Variants in SRM observed in about 807,000 individuals in gnomAD.
The protein encoded by SRM is putrescine aminopropyltransferase.
Under a neutral mutation model 39.3 loss-of-function variants are expected in SRM, and 14 were observed. The observed-to-expected ratio is 0.36, with a 90% confidence interval of 0.24 to 0.56. SRM has a LOEUF of 0.56. Among genes scored for constraint, SRM ranks in the 20% least tolerant of loss-of-function variants. The pLI is 0.86. For missense variants in SRM, 244 were observed against 409.2 expected, an observed-to-expected ratio of 0.60 and a Z score of 3.48; for synonymous variants, 195 against 173.1, an observed-to-expected ratio of 1.13 and a Z score of -0.99.
chr1:11,059,976 C>T lies in SRM; in HGVS notation c.-33G>A, dbSNP rs1005763650. 4.1e-6 allele frequency: 4 copies of T among 971,916 alleles called. No homozygotes were observed. Among genetic ancestry groups the T allele is most frequent in the Non-Finnish European group, 3.7e-6 (3 of 819,614 alleles). 60.2% of individuals were successfully genotyped at this position (971,916 alleles called of 1,614,324 possible). A position where few individuals can be genotyped will look rare whatever the true frequency, so the allele number is the denominator to read the frequency against. On this transcript the variant is annotated 5_prime_UTR_variant, in exon 1 of 8. Transcript: ENST00000376957. ...GGGCGGGCGGCGCGGGGCGCGGGCC[C>T]GGGACTGCAGGCCGCGCGGCGCCGC...
chr1:11,055,197 A>T lies in SRM; in HGVS notation c.766-113T>A. On this transcript the variant is annotated intron_variant, in intron 6 of 7. Transcript: ENST00000376957. Reference sequence around the variant, plus strand: ...CAGTGGCGTCATCTCAGCTCACTGCAACCTCTGTCTCCCAGGTTCAAGTGA... The same window carrying T: ...CAGTGGCGTCATCTCAGCTCACTGCTACCTCTGTCTCCCAGGTTCAAGTGA... 2.1e-6 allele frequency: 3 copies of T among 1,403,162 alleles called. No homozygotes were observed. In the South Asian group the frequency reaches 4.4e-5, roughly 21 times the overall value. The allele number at this position is 1,403,162 out of a possible 1,614,324, so 86.9% of individuals were successfully genotyped here.
At chr1:11,055,728 CTATT>C in intron 6 of SRM, 49 bp downstream of exon 6, 2 of 1,530,686 alleles carry the variant, frequency 1.3e-6, no homozygotes, top group Middle Eastern at 2.3e-4. Context: ...GCAGGGATCT[CTATT>C]TATGCCCACC....
chr1:11,059,231 C>T lies in SRM; in HGVS notation c.282G>A (p.Pro94=), dbSNP rs888874570. The T allele has an allele frequency of 1.9e-6, 3 of 1,613,332 alleles. No homozygotes were observed. Among genetic ancestry groups the T allele is most frequent in the Non-Finnish European group, 2.5e-6 (3 of 1,179,980 alleles). Residue 94 remains proline, a synonymous_variant, in exon 2 of 8, where the codon CCG becomes CCA. Coordinates refer to ENST00000376957, the MANE Select transcript of SRM (RefSeq NM_003132.3). ...CCAGGGGACACTGGGGTACCTTTCG[C>T]GGGTTGGGGTGGCTGCAGAGAGGCA... ...ANLPLCSHPN[P]RKVLIIGGGD...
rs1043724420 is a variant in SRM at position 11,054,764 on chromosome 1, C to T, written c.*101G>A. On this transcript the variant is annotated 3_prime_UTR_variant, in exon 8 of 8. Transcript: ENST00000376957. The surrounding 1 kb of genome is among the most constrained non-coding windows in gnomAD (Gnocchi z 4.8). ...GGGCTTGTAACACTTGGTTGGTGGG[C>T]GAGAGCCAGCAGGAGGTCCGGCCCG... 1.6e-5 allele frequency: 23 copies of T among 1,470,328 alleles called. No homozygotes were observed. Among genetic ancestry groups the T allele is most frequent in the African/African-American group, 9.8e-5 (7 of 71,186 alleles). 91.1% of individuals were successfully genotyped at this position (1,470,328 alleles called of 1,614,324 possible).
Position 11,054,878 on chromosome 1 carries a change from T to A in SRM, c.896A>T (p.Asn299Ile). 6.2e-7 allele frequency: 1 copy of A among 1,610,014 alleles called. No individual in the cohort carries two copies. The highest frequency in any genetic ancestry group is 1.1e-5 in the South Asian group (1 of 90,792). ...TGGCGCCTGGGCTCAGCTCACATCA[T>A]TCAGGGCCTGGAGGGACATGAGGCC... ...VLPEFARKAL[N>I]DVS The change falls in exon 8 of 8, where the codon AAT becomes ATT. Residue 299 changes from asparagine to isoleucine, a missense_variant. Physicochemically the swap from Asn to Ile is moderately radical, Grantham distance 149. Transcript: ENST00000376957. The surrounding 1 kb of genome is among the most constrained non-coding windows in gnomAD (Gnocchi z 4.8).
At position 11,056,723 on chromosome 1, in the gene SRM, C is replaced by G. The variant is rs773801443; in HGVS notation, c.416G>C (p.Gly139Ala). Residue 139 changes from glycine (G) to alanine (A), a missense_variant, in exon 4 of 8, where the codon GGC becomes GCC. Coordinates refer to ENST00000376957, the MANE Select transcript of SRM (RefSeq NM_003132.3). The part of the protein sequence containing the change: ...VIQVSKKFLP[G>A]MAIGYSSSKL... ...CGAGCTAGAGTAGCCAATGGCCATGCCTGGCAGGAACTTCTTGGAGACTTG... is the reference window on the plus strand; with the variant it reads ...CGAGCTAGAGTAGCCAATGGCCATGGCTGGCAGGAACTTCTTGGAGACTTG... 2 of 1,614,178 alleles carry G rather than the reference C, an allele frequency of 1.2e-6. No individual in the cohort carries two copies. Among genetic ancestry groups the G allele is most frequent in the South Asian group, 2.2e-5 (2 of 91,084 alleles).
At chr1:11,057,164 G>A (rs563549954) in intron 3 of SRM, among the ~76,000 whole-genome samples, 14 of 152,078 alleles carry the variant, frequency 9.2e-5, no homozygotes, top group African/African-American at 3.1e-4. Flanking sequence ...GCCCCTTTTG[G>A]GAACCTCAGT....
intron 3 of SRM, among the ~76,000 whole-genome samples, chr1:11,057,478 T>C (rs1270600027): frequency 1.4e-5 from 2 of 140,120 alleles, no homozygotes; most frequent in Non-Finnish European, 3.1e-5. Context: ...TTTTTTTTTT[T>C]ATTTTTAGTA....
intron 6 of SRM, among the ~76,000 whole-genome samples, chr1:11,055,478 A>T (rs554054102): frequency 1.4e-5 from 2 of 146,700 alleles, no homozygotes; most frequent in African/African-American, 2.5e-5. Flanking sequence ...GTAGTGGCGC[A>T]ATCTCGGCTC....
chr1:11,059,669 G>A, intron 1 of SRM, 108 bp downstream of exon 1: 1 of 1,317,280 alleles, frequency 7.6e-7, no homozygotes, highest in Non-Finnish European at 1.0e-6. Context: ...GGCCAGGGCA[G>A]GACGAGGTCC....
rs1293604984 is a variant in SRM, at chr1:11,059,336, A to G, written c.177T>C (p.Tyr59=). 7 of 1,613,636 alleles carry G rather than the reference A, an allele frequency of 4.3e-6. No homozygotes were observed. The East Asian group carries it at 1.6e-4, about 36-fold the overall frequency. Residue 59 remains tyrosine (Y), a synonymous_variant, in exon 2 of 8, where the codon TAT becomes TAC. Coordinates refer to ENST00000376957, the MANE Select transcript of SRM (RefSeq NM_003132.3). ...QDILVFRSKT[Y]GNVLVLDGVI... ...CACCGTCCAACACCAGCACGTTGCC[A>G]TAGGTCTTACTGCGGGCGGAGTGAC... is the stretch of plus-strand genomic sequence containing the variant.
rs34630462 is a variant in SRM at position 11,058,548 on chromosome 1, C to T, written c.381+252G>A. ...CACACTCCAGCCTGGGCAACAAGAG[C>T]GAAACTCTGTCTCAAAAAAAAAAAA... On this transcript the variant is annotated intron_variant, in intron 3 of 7. Transcript: ENST00000376957. 3.7e-5 allele frequency among the ~76,000 whole-genome samples: 5 copies of T among 136,974 alleles called. No individual in the cohort carries two copies. In the South Asian group the frequency reaches 9.2e-4, roughly 25 times the overall value. The allele number at this position is 136,974 out of a possible 152,430, so 89.9% of individuals were successfully genotyped here.
chr1:11,056,854 C>G, intron 3 of SRM, 97 bp from the exon 4 acceptor site: 1 of 1,307,376 alleles, frequency 7.6e-7, no homozygotes, highest in Non-Finnish European at 1.1e-6. Flanking sequence ...ACAGGCAAGC[C>G]GCCTTGGCCA....
At position 11,058,584 on chromosome 1, in the gene SRM, T is replaced by A. The variant is rs796447381; in HGVS notation, c.381+216A>T. 810 of 274,762 alleles carry A rather than the reference T, an allele frequency of 2.9e-3. 4 individuals are homozygous for A. The highest frequency in any genetic ancestry group is 0.011 in the African/African-American group (435 of 39,496). The allele number at this position is 274,762 out of a possible 1,614,324, so 17.0% of individuals were successfully genotyped here. A position where few individuals can be genotyped will look rare whatever the true frequency, so the allele number is the denominator to read the frequency against. On this transcript the variant is annotated intron_variant, in intron 3 of 7. Transcript: ENST00000376957. Reference sequence around the variant, plus strand: ...CTCAAAAAAAAAAAAAAAAAAAAAATCAGCTCAGTTTTAGTAAGAGCTCGC... The same window carrying A: ...CTCAAAAAAAAAAAAAAAAAAAAAAACAGCTCAGTTTTAGTAAGAGCTCGC...
intron 4 of SRM, among the ~76,000 whole-genome samples, chr1:11,056,303 C>T (rs951075924): frequency 6.6e-6 from 1 of 152,154 alleles, no homozygotes; most frequent in Non-Finnish European, 1.5e-5. Flanking sequence ...AGAACCTGCC[C>T]CCACTCCAGT....
Position 11,056,770 on chromosome 1 carries a change from G to C in SRM, c.382-13C>G, listed in dbSNP as rs367593099. 7.3e-5 allele frequency: 118 copies of C among 1,614,006 alleles called. No homozygotes were observed. In the African/African-American group the frequency reaches 9.2e-4, roughly 13 times the overall value. On this transcript the variant is annotated splice_polypyrimidine_tract_variant and intron_variant, in intron 3 of 7. Coordinates refer to ENST00000376957, the MANE Select transcript of SRM (RefSeq NM_003132.3). ...CTTGGATGACATCCTGGAGGGGATG[G>C]GAGGGACCAGTCTGGGCCAAGGGGC...
intron 2 of SRM, 61 bp from the exon 3 acceptor site, chr1:11,058,953 G>A: frequency 1.3e-6 from 2 of 1,481,986 alleles, no homozygotes; most frequent in Non-Finnish European, 1.8e-6. Flanking sequence ...CCAGGCCCCT[G>A]AAGCAGACCC....
chr1:11,058,881 G>A lies in SRM; in HGVS notation c.300C>T (p.Ile100=), dbSNP rs767580481. ...GCAGGACACCTCCATCTCCGCCCCCGATGATCAGCACCTGGGAGGAGGGGG... is the reference window on the plus strand; with the variant it reads ...GCAGGACACCTCCATCTCCGCCCCCAATGATCAGCACCTGGGAGGAGGGGG... ...SHPNPRKVLI[I]GGGDGGVLRE... Residue 100 remains isoleucine, a synonymous_variant, in exon 3 of 8, where the codon ATC becomes ATT. Coordinates refer to ENST00000376957, the MANE Select transcript of SRM (RefSeq NM_003132.3). The A allele has an allele frequency of 5.0e-6, 8 of 1,608,622 alleles. No individual in the cohort carries two copies. The highest frequency in any genetic ancestry group is 4.4e-5 in the South Asian group (4 of 89,990).
In SRM at chr1:11,056,112, A is replaced by G; in HGVS notation, c.536-18T>C. Reference sequence around the variant, plus strand: ...GGCGGGGCCTGGGGAAGACAGAGGGAGACACACTGAACAGTCTGGCTGTGA... The same window carrying G: ...GGCGGGGCCTGGGGAAGACAGAGGGGGACACACTGAACAGTCTGGCTGTGA... On this transcript the variant is annotated intron_variant, in intron 4 of 7. Coordinates refer to ENST00000376957, the MANE Select transcript of SRM (RefSeq NM_003132.3). The G allele has an allele frequency of 6.3e-7, 1 of 1,595,844 alleles. No individual in the cohort carries two copies. Among genetic ancestry groups the G allele is most frequent in the Non-Finnish European group, 8.5e-7 (1 of 1,170,784 alleles).
Sources: gnomAD v4.1 joint callset for allele counts (sites outside exome capture counted in the v4.1 genomes callset) on GRCh38, gnomAD v4.1.1 for gene constraint, Gnocchi (gnomAD v3.1) non-coding constraint, MANE v1.5 for transcripts, NCBI Gene and HGNC (gene_info 2026-07-23, HGNC 2026-07-21) for gene names.